EML1: variants seen among roughly 807,000 people sequenced by gnomAD.
EML1 encodes the protein EMAP like 1.
EML1 carries 27 observed loss-of-function variants against 110.4 expected under a neutral mutation model. The ratio of observed to expected loss-of-function variants is 0.24; its 90% CI spans 0.18 to 0.34. EML1 has a LOEUF of 0.34. EML1 is among the 10% of genes least tolerant of loss of function. The pLI, the probability that EML1 is intolerant of heterozygous loss-of-function variation, is 1.00. For synonymous variants in EML1, 344 were observed against 385.8 expected, an observed-to-expected ratio of 0.89 and a Z score of 1.27; for missense variants, 741 against 1,030.9, an observed-to-expected ratio of 0.72 and a Z score of 3.85.
intron 4 of EML1, among the ~76,000 whole-genome samples, chr14:99,885,454 A>G (rs1248590804): frequency 2.0e-5 from 3 of 152,240 alleles, no homozygotes; most frequent in South Asian, 2.1e-4. Context: ...ACAGACATCT[A>G]TGTGGTCCAT....
At chr14:99,904,341 A>G (rs1270219681) in intron 9 of EML1, among the ~76,000 whole-genome samples, 1 of 152,106 alleles carries the variant, frequency 6.6e-6, no homozygotes, top group Non-Finnish European at 1.5e-5. Context: ...TATTCTATCT[A>G]ATTTAAAACA....
chr14:99,740,918 C>T (rs1863890680), intron 1 of EML1, among the ~76,000 whole-genome samples: 1 of 152,214 alleles, frequency 6.6e-6, no homozygotes, highest in African/African-American at 2.4e-5. Context: ...ATTTACCCAT[C>T]TCCGTCCTGG....
At chr14:99,918,332 G>C (rs1253397529) in intron 16 of EML1, among the ~76,000 whole-genome samples, 1 of 152,152 alleles carries the variant, frequency 6.6e-6, no homozygotes, top group Non-Finnish European at 1.5e-5. Context: ...TCTAGCTCAA[G>C]CAGTCCTCCC....
At chr14:99,801,539 C>T (rs978647323) in intron 1 of EML1, among the ~76,000 whole-genome samples, 19 of 151,712 alleles carry the variant, frequency 1.3e-4, no homozygotes, top group Non-Finnish European at 1.9e-4. Context: ...GGCGTGAACC[C>T]GGGAGGCAGA....
Position 99,778,891 on chromosome 14 carries a change from T to C in EML1, c.-27+4878T>C, listed in dbSNP as rs561537525. ...TTTGTCTGAGACTGTTGTTTCTCTC[T>C]AGAAGCTTTTTGAATGTTTTCCTAT... On this transcript the variant is annotated intron_variant, in intron 1 of 22. Transcript: ENST00000327921. Among the ~76,000 whole-genome samples the C allele has an allele frequency of 4.6e-5, 7 of 152,344 alleles. No homozygotes were observed. In the East Asian group the frequency reaches 1.4e-3, roughly 29 times the overall value.
chr14:99,794,751 T>C (rs1247312267), intron 1 of EML1, among the ~76,000 whole-genome samples: 1 of 152,206 alleles, frequency 6.6e-6, no homozygotes, highest in Non-Finnish European at 1.5e-5. Flanking sequence ...AGTTTCTGCT[T>C]TTTCTCTGAA....
chr14:99,802,507 G>GCAAGACGC (rs2057899646), intron 1 of EML1, among the ~76,000 whole-genome samples: 1 of 152,006 alleles, frequency 6.6e-6, no homozygotes, highest in African/African-American at 2.4e-5. Context: ...GGTGTTGGGA[G>GCAAGACGC]CAAGACGCAG....
intron 1 of EML1, among the ~76,000 whole-genome samples, chr14:99,800,540 A>T (rs1338782694): frequency 2.0e-5 from 3 of 151,932 alleles, no homozygotes; most frequent in Non-Finnish European, 4.4e-5. Flanking sequence ...TTTTAAAAAA[A>T]TTTTTTAGAG....
intron 3 of EML1, 56 bp downstream of exon 3, chr14:99,865,702 C>T (rs2059085984): frequency 1.9e-6 from 3 of 1,573,528 alleles, no homozygotes; most frequent in African/African-American, 1.4e-5. Flanking sequence ...TCTTAGATTC[C>T]AACATGAGTA....
chr14:99,747,181 C>T (rs1256987981), intron 1 of EML1, among the ~76,000 whole-genome samples: 1 of 102,496 alleles, frequency 9.8e-6, no homozygotes, highest in Non-Finnish European at 2.0e-5. Context: ...GAGCTAGACC[C>T]CGTCTCAAAA....
intron 2 of EML1, among the ~76,000 whole-genome samples, chr14:99,853,734 A>AT (rs1338010797): frequency 8.6e-5 from 13 of 152,028 alleles, no homozygotes; most frequent in African/African-American, 1.2e-4. Context: ...CAGTGGCGTG[A>AT]TCTTGGTTCT....
At chr14:99,742,422 G>A (rs2057053588) in intron 1 of EML1, among the ~76,000 whole-genome samples, 2 of 152,310 alleles carry the variant, frequency 1.3e-5, no homozygotes, top group South Asian at 2.1e-4. Flanking sequence ...GCAGTGGGTG[G>A]AGGAATTGGA....
chr14:99,914,732 A>G, intron 15 of EML1, 35 bp downstream of exon 15: 1 of 1,578,766 alleles, frequency 6.3e-7, no homozygotes, highest in Non-Finnish European at 8.6e-7. Context: ...TTTTTCTTAC[A>G]GAAATTCATC....
At chr14:99,825,182 TGCTATGTTGCCCAG>T (rs1389248312) in intron 1 of EML1, among the ~76,000 whole-genome samples, 2 of 152,086 alleles carry the variant, frequency 1.3e-5, no homozygotes, top group Non-Finnish European at 2.9e-5. Flanking sequence ...ATGGGGGTCT[TGCTATGTTGCCCAG>T]GCCAGTCTTG....
At chr14:99,816,584 G>C (rs1376423420) in intron 1 of EML1, among the ~76,000 whole-genome samples, 2 of 152,276 alleles carry the variant, frequency 1.3e-5, no homozygotes, top group Non-Finnish European at 2.9e-5. Context: ...CCTGGTGACA[G>C]TGGGATTCCT....
At chr14:99,794,649 A>G (rs2057736891) in intron 1 of EML1, among the ~76,000 whole-genome samples, 1 of 152,132 alleles carries the variant, frequency 6.6e-6, no homozygotes, top group Admixed American at 6.5e-5. Context: ...TAGAATGTAT[A>G]CTCTGATAGC....
intron 20 of EML1, 81 bp downstream of exon 20, chr14:99,937,993 A>C: frequency 3.6e-4 from 512 of 1,409,742 alleles, no homozygotes; most frequent in Non-Finnish European, 4.6e-4. Context: ...ACGGAGTCTC[A>C]TGGTCACCAG....
intron 1 of EML1, among the ~76,000 whole-genome samples, chr14:99,844,412 G>A (rs1296548495): frequency 6.6e-6 from 1 of 151,696 alleles, no homozygotes; most frequent in African/African-American, 2.4e-5. Context: ...CTGGGAGGTG[G>A]AGGTTGCAGT....
chr14:99,896,707 G>A (rs1470905528), intron 6 of EML1, among the ~76,000 whole-genome samples: 1 of 150,806 alleles, frequency 6.6e-6, no homozygotes, highest in African/African-American at 2.4e-5. Flanking sequence ...AATTTTAACA[G>A]GGATTCTTAT....
Sources: gnomAD v4.1 joint callset for allele counts (sites outside exome capture counted in the v4.1 genomes callset) on GRCh38, gnomAD v4.1.1 for gene constraint, MANE v1.5 for transcripts, NCBI Gene and HGNC (gene_info 2026-07-23, HGNC 2026-07-21) for gene names.